The following NTN1 variants were observed in gnomAD, a reference collection of about 807,000 sequenced individuals.
NTN1 encodes netrin-1.
In NTN1, 11 loss-of-function variants were observed where a neutral mutation model predicts 54.2. The observed-to-expected ratio is 0.20, with a 90% confidence interval of 0.13 to 0.34. NTN1 has a LOEUF of 0.34. Among genes scored for constraint, NTN1 ranks in the 10% least tolerant of loss-of-function variants. The probability of loss-of-function intolerance (pLI) is 1.00; values close to 1 mark genes in which losing one functional copy is unlikely to be tolerated. For missense variants in NTN1, 740 were observed against 893.1 expected, an observed-to-expected ratio of 0.83 and a Z score of 2.18; for synonymous variants, 371 against 382.0, an observed-to-expected ratio of 0.97 and a Z score of 0.33.
chr17:9,147,272 G>A (rs1022347797), intron 2 of NTN1, among the ~76,000 whole-genome samples: 11 of 152,216 alleles, frequency 7.2e-5, no homozygotes, highest in African/African-American at 1.4e-4. Context: ...TTGGGAGGCC[G>A]AGGTGGGCAG....
intron 2 of NTN1, among the ~76,000 whole-genome samples, chr17:9,045,110 G>T (rs1009310152): frequency 2.0e-5 from 3 of 152,204 alleles, no homozygotes. Context: ...GCCAGGGATG[G>T]AATTAACTGG....
Position 9,199,069 on chromosome 17 carries a change from T to G in NTN1, c.1411+16100T>G, listed in dbSNP as rs138876935. The stretch of plus-strand genomic sequence containing the variant: ...TTTCTCTACTTCTCACAACCCTGTA[T>G]TGGTCAGGGAAGATTATGTGCTGTA... On this transcript the variant is annotated intron_variant, in intron 5 of 6. Coordinates refer to ENST00000173229, the MANE Select transcript of NTN1 (RefSeq NM_004822.3). 2.5e-4 allele frequency among the ~76,000 whole-genome samples: 38 copies of G among 152,332 alleles called. 1 individual carries two copies. The East Asian group carries it at 7.3e-3, about 29-fold the overall frequency.
intron 5 of NTN1, among the ~76,000 whole-genome samples, chr17:9,196,663 A>G (rs1904642219): frequency 6.6e-6 from 1 of 152,224 alleles, no homozygotes; most frequent in South Asian, 2.1e-4. Flanking sequence ...CCAGTGGGGC[A>G]TTGCCCCTCC....
chr17:9,170,620 G>A (rs2142306674), intron 3 of NTN1, among the ~76,000 whole-genome samples: 1 of 152,310 alleles, frequency 6.6e-6, no homozygotes, highest in Middle Eastern at 3.4e-3. Context: ...GTGCCCAGCA[G>A]CTGCTTGTGG....
chr17:9,097,720 G>A (rs551157600), intron 2 of NTN1, among the ~76,000 whole-genome samples: 2 of 152,086 alleles, frequency 1.3e-5, no homozygotes, highest in South Asian at 2.1e-4. Context: ...AACACAAATA[G>A]AAAGCACACT....
rs141044792 is a variant in NTN1 at position 9,022,510 on chromosome 17, G to A, written c.137G>A (p.Gly46Asp). ...CCCGATCCCTGCTCGGACGAGAACG[G>A]CCACCCGCGCCGCTGCATCCCGGAC... ...AQPDPCSDEN[G>D]HPRRCIPDFV... Residue 46 changes from glycine to aspartate, a missense_variant, in exon 2 of 7, where the codon GGC (glycine) becomes GAC (aspartate). By Grantham distance (94) the Gly-to-Asp change is moderately conservative. Transcript: ENST00000173229. 1.3e-6 allele frequency: 2 copies of A among 1,546,430 alleles called. No individual in the cohort carries two copies. Among genetic ancestry groups the A allele is most frequent in the Non-Finnish European group, 1.7e-6 (2 of 1,149,668 alleles).
chr17:9,120,083 A>G (rs2142260657), intron 2 of NTN1, among the ~76,000 whole-genome samples: 1 of 152,224 alleles, frequency 6.6e-6, no homozygotes, highest in Admixed American at 6.5e-5. Flanking sequence ...GTTCGAGACC[A>G]TCCTAGCTAA....
chr17:9,169,958 T>C (rs113082843), intron 3 of NTN1, among the ~76,000 whole-genome samples: 6,116 of 152,316 alleles, frequency 0.04, 406 homozygotes, highest in African/African-American at 0.14. Context: ...CTCCCCAAGT[T>C]AACGGAAGTT....
chr17:9,023,909 A>G (rs762650660), intron 2 of NTN1, among the ~76,000 whole-genome samples: 1 of 152,156 alleles, frequency 6.6e-6, no homozygotes, highest in African/African-American at 2.4e-5. Flanking sequence ...CCTGCCCTCC[A>G]TTTGTCTTTT....
intron 2 of NTN1, among the ~76,000 whole-genome samples, chr17:9,086,620 C>T (rs568975929): frequency 2.0e-5 from 3 of 152,246 alleles, no homozygotes; most frequent in Admixed American, 2.0e-4. Context: ...ATGAAATTAT[C>T]ACCAAACAGA....
chr17:9,095,307 T>G (rs2092127591), intron 2 of NTN1, among the ~76,000 whole-genome samples: 1 of 152,250 alleles, frequency 6.6e-6, no homozygotes, highest in South Asian at 2.1e-4. Context: ...TATAAGTATT[T>G]TATGTTTAAC....
At chr17:9,016,090 CA>C in the NTN1 span, among the ~76,000 whole-genome samples, 7 of 151,930 alleles carry the variant, frequency 4.6e-5, no homozygotes, top group Admixed American at 3.9e-4. Flanking sequence ...AAAGCAAAAA[CA>C]AAAAAACCCC....
At position 9,239,518 on chromosome 17, in the gene NTN1, T is replaced by G; in HGVS notation, c.1487-122T>G. On this transcript the variant is annotated intron_variant, in intron 6 of 6. Coordinates refer to ENST00000173229, the MANE Select transcript of NTN1 (RefSeq NM_004822.3). This position sits in a 1 kb window ranked among gnomAD's most constrained non-coding sequence, Gnocchi z 5.2. ...TTGCCACCACCCACGCGCTCCTGTA[T>G]GGGCCACTCTGTGCAGTCACTTCCT... 3 of 919,950 alleles carry G rather than the reference T, an allele frequency of 3.3e-6. No individual in the cohort carries two copies. Among genetic ancestry groups the G allele is most frequent in the East Asian group, 5.2e-5 (2 of 38,624 alleles). The allele number at this position is 919,950 out of a possible 1,614,324, so 57.0% of individuals were successfully genotyped here.
chr17:9,066,591 G>A (rs985449866), intron 2 of NTN1, among the ~76,000 whole-genome samples: 9 of 152,130 alleles, frequency 5.9e-5, no homozygotes, highest in African/African-American at 2.2e-4. Flanking sequence ...TTGTGCCACT[G>A]CACTCCAGCC....
chr17:9,150,887 C>T (rs891461178), intron 2 of NTN1, among the ~76,000 whole-genome samples: 7 of 152,152 alleles, frequency 4.6e-5, no homozygotes, highest in Non-Finnish European at 7.4e-5. Context: ...CCCGGCACAG[C>T]GGGAGAAAGA....
rs974692715 is a variant in NTN1, at chr17:9,154,695, C to G, written c.1019-8118C>G. Among the ~76,000 whole-genome samples, 16 of 152,276 alleles carry G rather than the reference C, an allele frequency of 1.1e-4. No homozygotes were observed. In the South Asian group the frequency reaches 1.7e-3, roughly 16 times the overall value. ...AATACCTAAAATTTATAAACAGGAG[C>G]TGAACAATTTCTAAATAAATAGCAT... On this transcript the variant is annotated intron_variant, in intron 2 of 6. Transcript: ENST00000173229.
chr17:9,240,504 CTTCTAGCAG>C lies in NTN1; in HGVS notation c.*540_*548del, dbSNP rs1179295995. ...GGATCCCCCCCTTTCTCCCCGGCCC[CTTCTAGCAG>C]TTCCCCGCGGGCCACCTGGCTGTCA... is the stretch of plus-strand genomic sequence containing the variant. On this transcript the variant is annotated 3_prime_UTR_variant, in exon 7 of 7. Transcript: ENST00000173229. 1 of 152,426 alleles carries C rather than the reference CTTCTAGCAG, an allele frequency of 6.6e-6. No homozygotes were observed. Among genetic ancestry groups the C allele is most frequent in the Non-Finnish European group, 1.5e-5 (1 of 68,200 alleles). 9.4% of individuals were successfully genotyped at this position (152,426 alleles called of 1,614,324 possible). A position where few individuals can be genotyped will look rare whatever the true frequency, so the allele number is the denominator to read the frequency against.
chr17:9,221,689 C>T lies in NTN1; in HGVS notation c.1486+447C>T, dbSNP rs1176960954. ...TTTCCAGTGTTCCGCCAGGCTGTAG[C>T]GGGGCCGGGAGTCTGCGCTGTAAAC... is the stretch of plus-strand genomic sequence containing the variant. On this transcript the variant is annotated intron_variant, in intron 6 of 6. Transcript: ENST00000173229. This position sits in a 1 kb window ranked among gnomAD's most constrained non-coding sequence, Gnocchi z 4.5. Among the ~76,000 whole-genome samples the T allele has an allele frequency of 2.0e-5, 3 of 152,212 alleles. No individual in the cohort carries two copies. Among genetic ancestry groups the T allele is most frequent in the East Asian group, 3.9e-4 (2 of 5,194 alleles).
chr17:9,015,473 A>G, the NTN1 span, among the ~76,000 whole-genome samples: 1 of 152,154 alleles, frequency 6.6e-6, no homozygotes, highest in Non-Finnish European at 1.5e-5. Context: ...CACACCCAAG[A>G]CAAAGGCACC....
Sources: allele counts gnomAD v4.1 joint callset (sites outside exome capture counted in the v4.1 genomes callset), GRCh38; gene constraint gnomAD v4.1.1; non-coding constraint Gnocchi (gnomAD v3.1); transcripts MANE v1.5; gene names NCBI Gene and HGNC (gene_info 2026-07-23, HGNC 2026-07-21).